KCND2: variants seen among roughly 807,000 people sequenced by gnomAD.
The protein encoded by KCND2 is A-type voltage-gated potassium channel KCND2.
KCND2 carries 16 observed loss-of-function variants against 54.4 expected under a neutral mutation model. That is an observed-to-expected ratio of 0.29 (90% CI 0.20 to 0.45). The LOEUF (loss-of-function observed/expected upper bound fraction) is 0.45. KCND2 is among the 20% of genes least tolerant of loss of function. The pLI, the probability that KCND2 is intolerant of heterozygous loss-of-function variation, is 1.00. For missense variants in KCND2, 486 were observed against 824.2 expected, an observed-to-expected ratio of 0.59 and a Z score of 5.02; for synonymous variants, 317 against 310.7, an observed-to-expected ratio of 1.02 and a Z score of -0.21.
intron 1 of KCND2, among the ~76,000 whole-genome samples, chr7:120,503,823 C>T (rs1234691467): frequency 1.3e-5 from 2 of 151,842 alleles, no homozygotes; most frequent in African/African-American, 2.4e-5. Context: ...CAATAGAATA[C>T]AAAATAATGA....
At chr7:120,487,216 GTTCT>G (rs1419049623) in intron 1 of KCND2, among the ~76,000 whole-genome samples, 1 of 151,894 alleles carries the variant, frequency 6.6e-6, no homozygotes, top group Non-Finnish European at 1.5e-5. Context: ...AAAAAATAAT[GTTCT>G]TTAAGTAAAG....
chr7:120,527,150 T>G (rs565777033), intron 1 of KCND2, among the ~76,000 whole-genome samples: 25 of 152,228 alleles, frequency 1.6e-4, no homozygotes, highest in Admixed American at 6.5e-4. Context: ...TAATAAATTT[T>G]CTATTTTATG....
At chr7:120,575,092 T>A (rs978370514) in intron 1 of KCND2, among the ~76,000 whole-genome samples, 1 of 152,126 alleles carries the variant, frequency 6.6e-6, no homozygotes, top group Non-Finnish European at 1.5e-5. Context: ...TCTAATAGTA[T>A]CTAATAGATA....
At chr7:120,427,885 T>C (rs1355407632) in intron 1 of KCND2, among the ~76,000 whole-genome samples, 1 of 152,188 alleles carries the variant, frequency 6.6e-6, no homozygotes, top group African/African-American at 2.4e-5. Flanking sequence ...ATCATTTTTG[T>C]AGTGATAGTA....
chr7:120,611,568 T>C (rs576931028), intron 1 of KCND2, among the ~76,000 whole-genome samples: 2 of 152,166 alleles, frequency 1.3e-5, no homozygotes, highest in African/African-American at 4.8e-5. Context: ...CTTAAAACTC[T>C]AGTTTGTGTC....
At chr7:120,582,940 C>CTGTGTGTGTATGTG (rs1491542367) in intron 1 of KCND2, among the ~76,000 whole-genome samples, 284 of 129,474 alleles carry the variant, frequency 2.2e-3, no homozygotes, top group African/African-American at 7.4e-3. Context: ...GTTTGCATTG[C>CTGTGTGTGTATGTG]TCTGTGTGTG....
At chr7:120,483,577 C>A (rs980210978) in intron 1 of KCND2, among the ~76,000 whole-genome samples, 4 of 152,074 alleles carry the variant, frequency 2.6e-5, no homozygotes, top group African/African-American at 9.7e-5. Flanking sequence ...AAGAACTCAG[C>A]AATGGTGACT....
intron 1 of KCND2, among the ~76,000 whole-genome samples, chr7:120,570,187 A>G (rs78315871): frequency 0.017 from 2,623 of 152,220 alleles, 85 homozygotes; most frequent in African/African-American, 0.061. Context: ...CCCTAGGGAT[A>G]TTTGGGGTTC....
rs1792637002 is a variant in KCND2 at position 120,719,016 on chromosome 7, A to G, written c.1116-13887A>G. Among the ~76,000 whole-genome samples the G allele has an allele frequency of 2.0e-5, 3 of 152,168 alleles. No homozygotes were observed. In the South Asian group the frequency reaches 6.2e-4, roughly 32 times the overall value. ...GTTCAATAAATTGAACCAAGTGTTC[A>G]ATTTGTGATCAGCATCAAAGTTTCC... On this transcript the variant is annotated intron_variant, in intron 1 of 5. Transcript: ENST00000331113.
intron 1 of KCND2, among the ~76,000 whole-genome samples, chr7:120,362,462 A>T (rs1277608288): frequency 6.6e-6 from 1 of 152,152 alleles, no homozygotes; most frequent in Non-Finnish European, 1.5e-5. Flanking sequence ...AGGCCAGGAC[A>T]GTGGTGACCC....
chr7:120,503,361 GA>G lies in KCND2; in HGVS notation c.1115+227615del, dbSNP rs1461014977. Among the ~76,000 whole-genome samples, 5 of 150,492 alleles carry G rather than the reference GA, an allele frequency of 3.3e-5. No homozygotes were observed. In the East Asian group the frequency reaches 9.9e-4, roughly 30 times the overall value. On this transcript the variant is annotated intron_variant, in intron 1 of 5. Transcript: ENST00000331113. ...TTTCAGAGTTTACATTTCAAAATTT[GA>G]GATTACAAATTAGTCTCTAGAGTGA...
chr7:120,349,841 T>C (rs928963142), intron 1 of KCND2, among the ~76,000 whole-genome samples: 2 of 152,170 alleles, frequency 1.3e-5, no homozygotes, highest in African/African-American at 4.8e-5. Flanking sequence ...TTAACCCTTT[T>C]ACTTTAGTCC....
rs539004561 is a variant in KCND2 at position 120,469,063 on chromosome 7, G to C, written c.1115+193316G>C. On this transcript the variant is annotated intron_variant, in intron 1 of 5. Coordinates refer to ENST00000331113, the MANE Select transcript of KCND2 (RefSeq NM_012281.3). ...CAACACAGTACCTCTCATCCTCAGA[G>C]TGCCACTCTCTGCCTTCAAGTCCCT... Among the ~76,000 whole-genome samples the C allele has an allele frequency of 2.0e-5, 3 of 152,184 alleles. No homozygotes were observed. In the South Asian group the frequency reaches 6.2e-4, roughly 32 times the overall value.
At chr7:120,678,510 A>G (rs183576154) in intron 1 of KCND2, among the ~76,000 whole-genome samples, 15 of 147,734 alleles carry the variant, frequency 1.0e-4, no homozygotes, top group Admixed American at 7.5e-4. Context: ...TAAATATTAC[A>G]TATACATACA....
intron 1 of KCND2, among the ~76,000 whole-genome samples, chr7:120,310,559 A>G (rs1037793168): frequency 5.3e-5 from 8 of 152,180 alleles, no homozygotes; most frequent in Non-Finnish European, 1.5e-5. Context: ...ATTTCATACT[A>G]TAGAATCAAT....
chr7:120,448,748 T>G (rs1163315381), intron 1 of KCND2, among the ~76,000 whole-genome samples: 1 of 152,138 alleles, frequency 6.6e-6, no homozygotes, highest in Non-Finnish European at 1.5e-5. Flanking sequence ...GCTTCATCCC[T>G]GGGATGCAAG....
intron 1 of KCND2, among the ~76,000 whole-genome samples, chr7:120,316,755 A>T (rs2116323696): frequency 6.6e-6 from 1 of 152,282 alleles, no homozygotes; most frequent in East Asian, 1.9e-4. Context: ...TTTGACCAAG[A>T]ATGATATCTT....
At chr7:120,608,555 A>G (rs770023023) in intron 1 of KCND2, among the ~76,000 whole-genome samples, 12 of 152,126 alleles carry the variant, frequency 7.9e-5, no homozygotes, top group Non-Finnish European at 1.5e-4. Flanking sequence ...TTTTGTTTCC[A>G]GAAGAACAAT....
intron 1 of KCND2, among the ~76,000 whole-genome samples, chr7:120,490,454 G>T (rs1309653653): frequency 6.6e-6 from 1 of 152,062 alleles, no homozygotes; most frequent in African/African-American, 2.4e-5. Flanking sequence ...TAAATTTATA[G>T]CTGAACTTCA....
Sources: gnomAD v4.1 joint callset for allele counts (sites outside exome capture counted in the v4.1 genomes callset) on GRCh38, gnomAD v4.1.1 for gene constraint, MANE v1.5 for transcripts, NCBI Gene and HGNC (gene_info 2026-07-23, HGNC 2026-07-21) for gene names.